IFT140: variants seen among roughly 807,000 people sequenced by gnomAD.
The protein encoded by IFT140 is intraflagellar transport protein 140 homolog.
A neutral mutation model predicts 164.6 loss-of-function variants in IFT140; 133 were observed. The observed-to-expected ratio is 0.81, with a 90% CI of 0.70 to 0.93. The LOEUF is 0.93. Ranked by LOEUF, IFT140 falls within the 40% of genes least tolerant of loss-of-function variation. The pLI, the probability that IFT140 is intolerant of heterozygous loss-of-function variation, is 0.00. For missense variants in IFT140, 2,045 were observed against 1,972.3 expected (o/e 1.04, Z -0.70); for synonymous variants, 860 against 817.3 (o/e 1.05, Z -0.89).
intron 7 of IFT140, 89 bp downstream of exon 7, chr16:1,589,516 C>A: frequency 7.4e-7 from 1 of 1,356,136 alleles, no homozygotes; most frequent in Non-Finnish European, 1.0e-6. Context: ...TTCAGTCTTG[C>A]TATCCAGAAG....
At chr16:1,568,154 G>A (rs2033822474) in intron 15 of IFT140, 63 bp downstream of exon 15, 6 of 1,177,936 alleles carry the variant, frequency 5.1e-6, no homozygotes, top group Admixed American at 2.0e-5. Flanking sequence ...CAGGCAGGAG[G>A]CCTGGCCTGG....
At chr16:1,557,284 G>A (rs2033149621) in intron 19 of IFT140, among the ~76,000 whole-genome samples, 1 of 152,224 alleles carries the variant, frequency 6.6e-6, no homozygotes, top group Admixed American at 6.5e-5. Context: ...GGCCCGGCAG[G>A]GGGAATGAAG....
Position 1,520,020 on chromosome 16 carries a change from C to G in IFT140, c.3901G>C (p.Asp1301His). The change falls in exon 29 of 31, where the codon GAC becomes CAC. Residue 1301 changes from aspartate (D) to histidine (H), a missense_variant. Physicochemically the swap from Asp to His is moderately conservative, Grantham distance 81. Transcript: ENST00000426508. ...TCGGTCAGCGCCCCGTGGGCTTTGT[C>G]GTAGTTCTGGTATTCATCAATCTCC... ...QVEIDEYQNY[D>H]KAHGALTEAY... is the part of the protein sequence containing the mutation. The G allele has an allele frequency of 1.9e-6, 3 of 1,600,952 alleles. No individual in the cohort carries two copies. Among genetic ancestry groups the G allele is most frequent in the Non-Finnish European group, 2.6e-6 (3 of 1,173,756 alleles).
At chr16:1,595,250 A>T (rs999341903) in intron 4 of IFT140, among the ~76,000 whole-genome samples, 1 of 151,884 alleles carries the variant, frequency 6.6e-6, no homozygotes, top group Non-Finnish European at 1.5e-5. Context: ...GCGCCACTGC[A>T]CTCCAGCCTG....
At chr16:1,516,276 A>G (rs2040341124) in intron 30 of IFT140, among the ~76,000 whole-genome samples, 1 of 151,964 alleles carries the variant, frequency 6.6e-6, no homozygotes, top group Non-Finnish European at 1.5e-5. Context: ...AGCAACAATT[A>G]TAACACTATA....
intron 19 of IFT140, among the ~76,000 whole-genome samples, chr16:1,543,592 G>A (rs556844815): frequency 6.6e-6 from 1 of 152,350 alleles, no homozygotes; most frequent in South Asian, 2.1e-4. Flanking sequence ...ACTAACGTGA[G>A]CCTCTGCATG....
At chr16:1,604,818 G>C (rs1159101340) in intron 3 of IFT140, among the ~76,000 whole-genome samples, 1 of 152,124 alleles carries the variant, frequency 6.6e-6, no homozygotes, top group Non-Finnish European at 1.5e-5. Flanking sequence ...TTACAAGGTA[G>C]GGGAGTGGGA....
At chr16:1,511,201 A>G (rs771133465) in intron 30 of IFT140, 51 bp from the exon 31 acceptor site, 1 of 1,495,798 alleles carries the variant, frequency 6.7e-7, no homozygotes, top group South Asian at 1.2e-5. Flanking sequence ...ACCAGGCACG[A>G]CCCTCTGCCT....
intron 19 of IFT140, 57 bp from the exon 20 acceptor site, chr16:1,526,853 C>T: frequency 6.6e-7 from 1 of 1,522,042 alleles, no homozygotes; most frequent in Non-Finnish European, 8.8e-7. Flanking sequence ...GCCCCCTGGC[C>T]CTACGGCCCC....
In IFT140 at chr16:1,526,666, C is replaced by T. The variant is rs768971224; in HGVS notation, c.2530G>A (p.Glu844Lys). The change falls in exon 20 of 31, where the codon GAG becomes AAG. Residue 844 changes from glutamate to lysine, a missense_variant. Physicochemically the swap from Glu to Lys is moderately conservative, Grantham distance 56. Transcript: ENST00000426508. ...RALREAEQEPELEARVAVLAT... is the reference protein window; with the variant it reads ...RALREAEQEPKLEARVAVLAT... ...AGCACGGCCACGCGGGCCTCTAGCT[C>T]CGGCTCCTGCTCCGCCTCACGCAGC... The T allele has an allele frequency of 1.9e-6, 3 of 1,597,332 alleles. No homozygotes were observed. Among genetic ancestry groups the T allele is most frequent in the Non-Finnish European group, 2.6e-6 (3 of 1,175,688 alleles).
At chr16:1,593,053 G>A (rs1025061419) in intron 4 of IFT140, among the ~76,000 whole-genome samples, 2 of 152,034 alleles carry the variant, frequency 1.3e-5, no homozygotes, top group Non-Finnish European at 2.9e-5. Flanking sequence ...ACTGGTGGTG[G>A]GACAGGTGTC....
In IFT140 at chr16:1,520,627, T is replaced by C; in HGVS notation, c.3635A>G (p.Tyr1212Cys). The change falls in exon 27 of 31, where the codon TAC becomes TGC. Residue 1212 changes from tyrosine (Y) to cysteine (C), a missense_variant. Physicochemically the swap from Tyr to Cys is radical, Grantham distance 194 (BLOSUM62 -2). Coordinates refer to ENST00000426508, the MANE Select transcript of IFT140 (RefSeq NM_014714.4). The part of the protein sequence containing the change: ...QGSYHLATKK[Y>C]TQAGNKLKAM... ...CTTCAGCTTGTTGCCGGCCTGCGTGTACTTCTTGGTGGCCAGGTGGTAGCT... is the reference window on the plus strand; with the variant it reads ...CTTCAGCTTGTTGCCGGCCTGCGTGCACTTCTTGGTGGCCAGGTGGTAGCT... The C allele has an allele frequency of 6.3e-7, 1 of 1,596,132 alleles. No individual in the cohort carries two copies. Among genetic ancestry groups the C allele is most frequent in the Non-Finnish European group, 8.5e-7 (1 of 1,170,030 alleles).
rs528434514 is a variant in IFT140, at chr16:1,551,907, C to T, written c.2399+6028G>A. Among the ~76,000 whole-genome samples, 1 of 152,270 alleles carries T rather than the reference C, an allele frequency of 6.6e-6. No homozygotes were observed. Among genetic ancestry groups the T allele is most frequent in the African/African-American group, 2.4e-5 (1 of 41,556 alleles). The stretch of plus-strand genomic sequence containing the variant: ...CCGAGCTGTGCACTCAGAAGCCTCC[C>T]GGGTGTGTCCCTGGTGATGTCCCCG... On this transcript the variant is annotated intron_variant, in intron 19 of 30. Transcript: ENST00000426508. The surrounding 1 kb of genome is among the most constrained non-coding windows in gnomAD (Gnocchi z 4.0).
Position 1,571,387 on chromosome 16 carries a change from T to G in IFT140, c.1652+20A>C, listed in dbSNP as rs1300522608. 1.1e-5 allele frequency: 17 copies of G among 1,608,190 alleles called. No homozygotes were observed. The highest frequency in any genetic ancestry group is 1.4e-5 in the Non-Finnish European group (17 of 1,178,276). ...CTGACTAAAAAAATGTTCACACTTC[T>G]ATTTGGAAAAAAAATTTACCTTCGG... On this transcript the variant is annotated intron_variant, in intron 14 of 30. Transcript: ENST00000426508.
chr16:1,516,562 G>T (rs2040351647), intron 30 of IFT140, among the ~76,000 whole-genome samples: 1 of 152,056 alleles, frequency 6.6e-6, no homozygotes, highest in Non-Finnish European at 1.5e-5. Context: ...GAGGTCAGGA[G>T]ATCGAGACCA....
chr16:1,541,510 T>C, intron 19 of IFT140: 1 of 985,336 alleles, frequency 1.0e-6, no homozygotes, highest in Non-Finnish European at 1.2e-6. Flanking sequence ...AGCGCCCTCG[T>C]CTTGGATGCT....
At chr16:1,517,659 G>A (rs747541150) in intron 30 of IFT140, among the ~76,000 whole-genome samples, 3 of 152,044 alleles carry the variant, frequency 2.0e-5, no homozygotes, top group South Asian at 2.1e-4. Context: ...AAAAATAAGC[G>A]ACTAAAAAAT....
intron 14 of IFT140, among the ~76,000 whole-genome samples, chr16:1,570,456 C>G: frequency 6.6e-6 from 1 of 152,182 alleles, no homozygotes; most frequent in East Asian, 1.9e-4. Flanking sequence ...ACTCCCACCA[C>G]GCGATGCCAG....
Position 1,584,081 on chromosome 16 carries a change from T to G in IFT140, c.1359+136A>C, listed in dbSNP as rs2034730477. On this transcript the variant is annotated intron_variant, in intron 11 of 30. Transcript: ENST00000426508. ...TTTATGAATATAATGTACATGGATA[T>G]CCAGGAAATAAGAGAATCTAGGATG... The G allele has an allele frequency of 1.5e-5, 10 of 680,614 alleles. No homozygotes were observed. The South Asian group carries it at 1.7e-4, about 11-fold the overall frequency. The allele number at this position is 680,614 out of a possible 1,614,324, so 42.2% of individuals were successfully genotyped here. A position where few individuals can be genotyped will look rare whatever the true frequency, so the allele number is the denominator to read the frequency against.
Sources: gnomAD v4.1 joint callset for allele counts (sites outside exome capture counted in the v4.1 genomes callset) on GRCh38, gnomAD v4.1.1 for gene constraint, Gnocchi (gnomAD v3.1) non-coding constraint, MANE v1.5 for transcripts, NCBI Gene and HGNC (gene_info 2026-07-23, HGNC 2026-07-21) for gene names.